Variants in PHF24 observed in about 807,000 individuals in gnomAD.
PHF24 encodes PHD finger protein 24.
In PHF24, 25 loss-of-function variants were observed where a neutral mutation model predicts 42.6. That is an observed-to-expected ratio of 0.59 (90% CI 0.43 to 0.82). The LOEUF (loss-of-function observed/expected upper bound fraction) is 0.82, where lower values mean the gene tolerates loss of function less well. Among genes scored for constraint, PHF24 ranks in the 40% least tolerant of loss-of-function variants. The pLI is 0.00. For synonymous variants in PHF24, 185 were observed against 204.8 expected, an observed-to-expected ratio of 0.90 and a Z score of 0.83; for missense variants, 470 against 538.1, an observed-to-expected ratio of 0.87 and a Z score of 1.25.
At chr9:34,982,388 CTT>C (rs1827426901) in exon 8 of PHF24, 1 of 152,282 alleles carries the variant, frequency 6.6e-6, no homozygotes, top group Non-Finnish European at 1.5e-5. Context: ...CAGAAGGTAA[CTT>C]GACAGCAAGC....
chr9:34,690,203 A>G, the PHF24 span: 1 of 1,614,094 alleles, frequency 6.2e-7, no homozygotes. Flanking sequence ...CCCTCCCCAC[A>G]ACTCACACTA....
At chr9:34,926,840 A>T in the PHF24 span, among the ~76,000 whole-genome samples, 1 of 151,884 alleles carries the variant, frequency 6.6e-6, no homozygotes, top group Non-Finnish European at 1.5e-5. This position sits in a 1 kb window ranked among gnomAD's most constrained non-coding sequence, Gnocchi z 4.3. Context: ...CATGTTCACT[A>T]GTGGTGGCCC....
intron 1 of PHF24, among the ~76,000 whole-genome samples, chr9:34,967,061 A>G (rs1826800526): frequency 6.6e-6 from 1 of 151,882 alleles, no homozygotes; most frequent in African/African-American, 2.4e-5. Flanking sequence ...TTTTTTACAT[A>G]TACCCACAGG....
exon 8 of PHF24, chr9:34,982,226 C>G (rs1827419070): frequency 2.6e-5 from 4 of 152,224 alleles, no homozygotes; most frequent in Admixed American, 2.6e-4. Context: ...GACACAAAGG[C>G]CCTCAAGATT....
the PHF24 span, among the ~76,000 whole-genome samples, chr9:34,801,329 A>G: frequency 1.3e-5 from 2 of 152,260 alleles, no homozygotes; most frequent in African/African-American, 4.8e-5. Context: ...ATTCTACTAT[A>G]AAGACACATG....
At chr9:34,886,790 T>TA in the PHF24 span, among the ~76,000 whole-genome samples, 1 of 138,128 alleles carries the variant, frequency 7.2e-6, no homozygotes, top group African/African-American at 2.9e-5. Context: ...CTACTCTGTC[T>TA]ATCTACTCTA....
At chr9:34,932,804 ATAC>A in the PHF24 span, among the ~76,000 whole-genome samples, 1 of 151,756 alleles carries the variant, frequency 6.6e-6, no homozygotes, top group African/African-American at 2.4e-5. Context: ...ACTATAAAAA[ATAC>A]TATTTTATAT....
chr9:34,960,306 C>T (rs988271260), intron 1 of PHF24, among the ~76,000 whole-genome samples: 3 of 152,206 alleles, frequency 2.0e-5, no homozygotes, highest in Non-Finnish European at 4.4e-5. Flanking sequence ...CTTCCTTTGG[C>T]TCCTGGAATT....
At chr9:34,868,564 A>T in the PHF24 span, among the ~76,000 whole-genome samples, 1 of 152,028 alleles carries the variant, frequency 6.6e-6, no homozygotes, top group Admixed American at 6.6e-5. Flanking sequence ...AAAAGTTGTC[A>T]CCCCCATATC....
chr9:34,770,750 C>G, the PHF24 span, among the ~76,000 whole-genome samples: 220 of 150,504 alleles, frequency 1.5e-3, 1 homozygote, highest in East Asian at 0.037. Context: ...ACTTTTGAAA[C>G]CGTGTGAGTG....
the PHF24 span, chr9:34,917,130 TAC>T: frequency 7.8e-6 from 7 of 902,178 alleles, no homozygotes; most frequent in Non-Finnish European, 1.3e-5. Flanking sequence ...TCTCGCGGCC[TAC>T]CTTTACCGGC....
the PHF24 span, among the ~76,000 whole-genome samples, chr9:34,820,425 C>A: frequency 0.014 from 2,157 of 152,108 alleles, 48 homozygotes; most frequent in African/African-American, 0.049. Context: ...TTGTTGTTTC[C>A]TTCTTTGTGT....
At chr9:34,855,788 T>G in the PHF24 span, among the ~76,000 whole-genome samples, 1 of 152,316 alleles carries the variant, frequency 6.6e-6, no homozygotes, top group Admixed American at 6.5e-5. Flanking sequence ...ACTGGGGTTC[T>G]CTGGACTTCC....
chr9:34,926,214 C>T, the PHF24 span, among the ~76,000 whole-genome samples: 3 of 152,202 alleles, frequency 2.0e-5, no homozygotes, highest in Middle Eastern at 3.2e-3. This position sits in a 1 kb window ranked among gnomAD's most constrained non-coding sequence, Gnocchi z 4.3. Context: ...GGATCTGGCT[C>T]ACTGGGGCTG....
chr9:34,845,761 CACA>C, the PHF24 span, among the ~76,000 whole-genome samples: 1 of 124,772 alleles, frequency 8.0e-6, no homozygotes, highest in Non-Finnish European at 1.6e-5. Flanking sequence ...CCCCCCACCC[CACA>C]ACAGTCCCCA....
the PHF24 span, among the ~76,000 whole-genome samples, chr9:34,780,421 C>T: frequency 6.6e-6 from 1 of 150,722 alleles, no homozygotes; most frequent in Admixed American, 6.6e-5. Context: ...CTCAGCCTCC[C>T]GAGTACAGGA....
chr9:34,832,165 T>C, the PHF24 span: 22 of 324,476 alleles, frequency 6.8e-5, no homozygotes, highest in South Asian at 1.3e-4. Flanking sequence ...CCCACCAGCA[T>C]ATTTATGGAA....
chr9:34,826,786 C>T, the PHF24 span, among the ~76,000 whole-genome samples: 2 of 152,256 alleles, frequency 1.3e-5, no homozygotes, highest in African/African-American at 4.8e-5. Flanking sequence ...ACCCAAAGAT[C>T]CCAAGCAAGC....
chr9:34,790,215 G>A, the PHF24 span, among the ~76,000 whole-genome samples: 2 of 152,164 alleles, frequency 1.3e-5, no homozygotes, highest in Non-Finnish European at 1.5e-5. Context: ...ATCCTTAGCT[G>A]CAAAGATCAA....
Sources: allele counts gnomAD v4.1 joint callset (sites outside exome capture counted in the v4.1 genomes callset), GRCh38; gene constraint gnomAD v4.1.1; non-coding constraint Gnocchi (gnomAD v3.1); transcripts MANE v1.5; gene names NCBI Gene and HGNC (gene_info 2026-07-23, HGNC 2026-07-21).